MTAP: variants seen among roughly 807,000 people sequenced by gnomAD.
The protein encoded by MTAP is S-methyl-5'-thioadenosine phosphorylase.
MTAP carries 33 observed loss-of-function variants against 33.6 expected under a neutral mutation model. That is an observed-to-expected ratio of 0.98 (90% CI 0.74 to 1.31). The LOEUF (loss-of-function observed/expected upper bound fraction) is 1.31, where lower values mean the gene tolerates loss of function less well. Ranked by LOEUF, MTAP falls within the 40% of genes most tolerant of loss-of-function variation. The pLI is 0.00. For synonymous variants in MTAP, 148 were observed against 125.7 expected, an observed-to-expected ratio of 1.18 and a Z score of -1.19; for missense variants, 367 against 360.0, an observed-to-expected ratio of 1.02 and a Z score of -0.16.
At chr9:21,918,179 T>C (rs927744484) in intron 1 of MTAP, among the ~76,000 whole-genome samples, 1 of 136,786 alleles carries the variant, frequency 7.3e-6, no homozygotes, top group Admixed American at 7.1e-5. Flanking sequence ...TGAAACCCCG[T>C]CTCTACTAAA....
intron 1 of MTAP, among the ~76,000 whole-genome samples, chr9:21,906,185 A>G (rs1818473614): frequency 6.6e-6 from 1 of 152,252 alleles, no homozygotes; most frequent in Non-Finnish European, 1.5e-5. Context: ...TCTTCCACGC[A>G]CAAATGTTAG....
At position 21,908,241 on chromosome 9, in the gene MTAP, T is replaced by A. The variant is rs117033126; in HGVS notation, c.148-22767T>A. ...CAGTATGTAACATTTTGGGATTGAC[T>A]TTTTTGTTTAGCATAACTCTGTGGA... On this transcript the variant is annotated intron_variant, in intron 1 of 1. Transcript: ENST00000577563. 3.7e-3 allele frequency among the ~76,000 whole-genome samples: 571 copies of A among 152,300 alleles called. 11 individuals carry two copies. The East Asian group carries it at 0.048, about 13-fold the overall frequency.
At chr9:21,929,562 A>G (rs1262184342) in intron 1 of MTAP, 3 of 357,864 alleles carry the variant, frequency 8.4e-6, no homozygotes, top group South Asian at 2.8e-5. Context: ...AAAACACAGG[A>G]TCCCCTTACT....
rs529816869 is a variant in MTAP, at chr9:21,822,394, A to G, written c.347+4192A>G. On this transcript the variant is annotated intron_variant, in intron 4 of 7. Coordinates refer to ENST00000644715, the MANE Select transcript of MTAP (RefSeq NM_002451.4). ...GCCTTCGTTTTGTTATGTACCCAGT[A>G]GTCATTCAGGAGCAGGTTCTTCAAT... 2.8e-4 allele frequency among the ~76,000 whole-genome samples: 42 copies of G among 152,360 alleles called. No individual in the cohort carries two copies. In the South Asian group the frequency reaches 7.5e-3, roughly 27 times the overall value.
chr9:21,873,617 A>G (rs10965171), intron 1 of MTAP, among the ~76,000 whole-genome samples: 4 of 109,340 alleles, frequency 3.7e-5, no homozygotes, highest in African/African-American at 1.1e-4. Context: ...CCCGCCCCCC[A>G]CCCCAAGAAC....
At chr9:21,931,350 G>A (rs1039977844), downstream of MTAP, 4 of 548,482 alleles carry the variant, frequency 7.3e-6, no homozygotes, top group Non-Finnish European at 1.3e-5. Flanking sequence ...GCAGACATGA[G>A]TAAGGGAGGA....
chr9:21,836,775 G>A (rs191462237), intron 4 of MTAP, among the ~76,000 whole-genome samples: 4 of 152,244 alleles, frequency 2.6e-5, no homozygotes, highest in Admixed American at 1.3e-4. Flanking sequence ...CCTCCAGAGC[G>A]CTGAGGCCTT....
At chr9:21,807,952 C>T (rs1824248905) in intron 1 of MTAP, among the ~76,000 whole-genome samples, 1 of 152,200 alleles carries the variant, frequency 6.6e-6, no homozygotes, top group Admixed American at 6.5e-5. Flanking sequence ...TGGATCCTCA[C>T]CTGTGGTTGT....
Position 21,854,662 on chromosome 9 carries a change from T to A in MTAP, c.482T>A (p.Leu161His). The A allele has an allele frequency of 6.2e-7, 1 of 1,607,134 alleles. No homozygotes were observed. Among genetic ancestry groups the A allele is most frequent in the Non-Finnish European group, 8.5e-7 (1 of 1,176,002 alleles). The change falls in exon 6 of 8, where the codon CTC becomes CAC. Residue 161 changes from leucine to histidine, a missense_variant. By Grantham distance (99) the Leu-to-His change is moderately conservative. Coordinates refer to ENST00000644715, the MANE Select transcript of MTAP (RefSeq NM_002451.4). Reference sequence around the variant, plus strand: ...ATAGAGACTGCTAAGAAGCTAGGACTCCGGTGCCACTCAAAGGGGACAATG... The same window carrying A: ...ATAGAGACTGCTAAGAAGCTAGGACACCGGTGCCACTCAAAGGGGACAATG... ...VLIETAKKLG[L>H]RCHSKGTMVT...
intron 2 of MTAP, among the ~76,000 whole-genome samples, chr9:21,816,322 C>T (rs1824473761): frequency 6.6e-6 from 1 of 152,146 alleles, no homozygotes; most frequent in African/African-American, 2.4e-5. Flanking sequence ...CAGACATTTC[C>T]AGTGCTGAAT....
downstream of MTAP, among the ~76,000 whole-genome samples, chr9:21,871,310 C>T (rs1825933633): frequency 6.6e-6 from 1 of 152,130 alleles, no homozygotes; most frequent in African/African-American, 2.4e-5. Context: ...CTCTTTGACC[C>T]CAGCTCCAAG....
intron 3 of MTAP, among the ~76,000 whole-genome samples, chr9:21,817,279 C>G (rs1824499326): frequency 6.6e-6 from 1 of 152,086 alleles, no homozygotes; most frequent in Non-Finnish European, 1.5e-5. Flanking sequence ...TGTATGAGTT[C>G]TCTACTGTTG....
intron 4 of MTAP, among the ~76,000 whole-genome samples, chr9:21,820,841 A>G (rs1824617398): frequency 6.6e-6 from 1 of 152,196 alleles, no homozygotes; most frequent in South Asian, 2.1e-4. Flanking sequence ...GGTCCTTCAC[A>G]ACCCTTGTAA....
chr9:21,846,695 A>G (rs1339039475), intron 5 of MTAP, among the ~76,000 whole-genome samples: 3 of 152,238 alleles, frequency 2.0e-5, no homozygotes, highest in Non-Finnish European at 2.9e-5. Flanking sequence ...AACTAAAAGT[A>G]GAACTACCAT....
chr9:21,854,238 A>G (rs1362740629), intron 5 of MTAP, among the ~76,000 whole-genome samples: 1 of 152,260 alleles, frequency 6.6e-6, no homozygotes, highest in Non-Finnish European at 1.5e-5. Flanking sequence ...ATAAGCGACG[A>G]GAGGCACCTT....
intron 1 of MTAP, among the ~76,000 whole-genome samples, chr9:21,884,151 G>C (rs940461693): frequency 6.6e-6 from 1 of 152,150 alleles, no homozygotes; most frequent in African/African-American, 2.4e-5. Context: ...TCTATTATTA[G>C]TTGTAGACCA....
Position 21,831,255 on chromosome 9 carries a change from G to A in MTAP, c.348-6653G>A, listed in dbSNP as rs1006933386. ...TTACCATTAATCCTGATGATTGTAG[G>A]AAATCAGTACACCATATTTATTATG... On this transcript the variant is annotated intron_variant, in intron 4 of 7. Coordinates refer to ENST00000644715, the MANE Select transcript of MTAP (RefSeq NM_002451.4). 2.6e-5 allele frequency among the ~76,000 whole-genome samples: 4 copies of A among 152,092 alleles called. No homozygotes were observed. The South Asian group carries it at 6.2e-4, about 24-fold the overall frequency.
At chr9:21,930,611 A>G (rs964462049) in intron 1 of MTAP, 3 of 378,256 alleles carry the variant, frequency 7.9e-6, no homozygotes, top group African/African-American at 6.5e-5. Flanking sequence ...CCAACTCTGA[A>G]AGGAAATAGC....
At chr9:21,936,600 C>A (rs890128197) in exon 8 of MTAP, 1 of 152,106 alleles carries the variant, frequency 6.6e-6, no homozygotes, top group Non-Finnish European at 1.5e-5. Context: ...ATATTTACAT[C>A]TGTTAAAAAA....
Sources: gnomAD v4.1 joint callset for allele counts (sites outside exome capture counted in the v4.1 genomes callset) on GRCh38, gnomAD v4.1.1 for gene constraint, MANE v1.5 for transcripts, NCBI Gene and HGNC (gene_info 2026-07-23, HGNC 2026-07-21) for gene names.